Variants in TMOD1 observed in about 807,000 individuals in gnomAD.
TMOD1 encodes tropomodulin 1.
TMOD1 carries 17 observed loss-of-function variants against 40.6 expected under a neutral mutation model. The ratio of observed to expected loss-of-function variants is 0.42; its 90% CI spans 0.29 to 0.63. The LOEUF (loss-of-function observed/expected upper bound fraction) is 0.63. Ranked by LOEUF, TMOD1 falls within the 20% of genes least tolerant of loss-of-function variation. TMOD1 has a pLI of 0.22. For missense variants in TMOD1, 391 were observed against 447.6 expected, an observed-to-expected ratio of 0.87 and a Z score of 1.14; for synonymous variants, 181 against 175.0, an observed-to-expected ratio of 1.03 and a Z score of -0.27.
intron 2 of TMOD1, among the ~76,000 whole-genome samples, chr9:97,538,534 C>T (rs544919837): frequency 4.6e-5 from 7 of 151,874 alleles, no homozygotes; most frequent in African/African-American, 1.7e-4. Context: ...GATTTAAATT[C>T]CTTATAGGTT....
chr9:97,551,014 ATTTTTTTTTT>A lies in TMOD1; in HGVS notation c.278-2248_278-2239del, dbSNP rs55700746. ...ATTTTATATATATATATATATATAT[ATTTTTTTTTT>A]TTTTTTTTTTTTTTTTTTAGATGGA... On this transcript the variant is annotated intron_variant, in intron 3 of 9. Transcript: ENST00000259365. Among the ~76,000 whole-genome samples the A allele has an allele frequency of 3.9e-3, 402 of 104,200 alleles. 5 individuals are homozygous for A. Among genetic ancestry groups the A allele is most frequent in the African/African-American group, 0.016 (379 of 23,150 alleles). 68.4% of individuals were successfully genotyped at this position (104,200 alleles called of 152,430 possible). A position where few individuals can be genotyped will look rare whatever the true frequency, so the allele number is the denominator to read the frequency against.
intron 8 of TMOD1, among the ~76,000 whole-genome samples, chr9:97,585,978 A>G (rs1825862974): frequency 6.7e-6 from 1 of 150,366 alleles, no homozygotes. Context: ...GAGTAATTTG[A>G]TCGTCTGAAG....
chr9:97,600,091 T>A lies in TMOD1; in HGVS notation c.*393T>A. 3 of 1,025,122 alleles carry A rather than the reference T, an allele frequency of 2.9e-6. No homozygotes were observed. Among genetic ancestry groups the A allele is most frequent in the Non-Finnish European group, 3.5e-6 (3 of 851,546 alleles). The allele number at this position is 1,025,122 out of a possible 1,614,324, so 63.5% of individuals were successfully genotyped here. ...CACACTCTTCCACATGCTTTTGAAG[T>A]ATTATAAAACACTTTATTACAAATT... On this transcript the variant is annotated 3_prime_UTR_variant, in exon 10 of 10. Transcript: ENST00000259365.
intron 2 of TMOD1, among the ~76,000 whole-genome samples, chr9:97,526,359 G>A (rs1379780336): frequency 1.3e-5 from 2 of 152,188 alleles, no homozygotes; most frequent in Non-Finnish European, 2.9e-5. Context: ...AGTCTCTTTG[G>A]TTGTGTATGT....
At chr9:97,505,463 C>T (rs564186803) in intron 1 of TMOD1, among the ~76,000 whole-genome samples, 88 of 152,292 alleles carry the variant, frequency 5.8e-4, no homozygotes, top group Non-Finnish European at 1.1e-3. Flanking sequence ...GTGACCACTG[C>T]GTTGTTGCTC....
At chr9:97,506,676 T>G (rs1328495708) in intron 1 of TMOD1, among the ~76,000 whole-genome samples, 1 of 152,244 alleles carries the variant, frequency 6.6e-6, no homozygotes, top group Non-Finnish European at 1.5e-5. Context: ...CAGCAAGTAT[T>G]GTTACCTACC....
chr9:97,508,057 TCACACACACACACACACACACA>T (rs56669574), intron 1 of TMOD1, among the ~76,000 whole-genome samples: 7,118 of 132,066 alleles, frequency 0.054, 248 homozygotes, highest in African/African-American at 0.11. Context: ...TCTTCCTGAT[TCACACACACACACACACACACA>T]CACACACACA....
At chr9:97,519,078 C>T (rs907772095) in intron 1 of TMOD1, among the ~76,000 whole-genome samples, 7 of 152,194 alleles carry the variant, frequency 4.6e-5, no homozygotes, top group African/African-American at 1.4e-4. Flanking sequence ...AAGATGATGC[C>T]GCGTAAGTGC....
chr9:97,573,125 T>C (rs1260364567), intron 8 of TMOD1, among the ~76,000 whole-genome samples: 1 of 152,216 alleles, frequency 6.6e-6, no homozygotes, highest in Non-Finnish European at 1.5e-5. Context: ...GGAGAAACCC[T>C]GTGGGCCCCG....
intron 2 of TMOD1, among the ~76,000 whole-genome samples, chr9:97,544,055 C>A (rs887970958): frequency 4.6e-5 from 7 of 152,204 alleles, no homozygotes. Flanking sequence ...TGGCCTAAAT[C>A]TCTCTGCAAG....
Position 97,567,953 on chromosome 9 carries a change from C to A in TMOD1, c.727-941C>A, listed in dbSNP as rs139580455. ...TGCTGGTGTCTTTTTCCCTCCATGA[C>A]GCATCGTTTCCACCAACTGCTAATT... On this transcript the variant is annotated intron_variant, in intron 7 of 9. Coordinates refer to ENST00000259365, the MANE Select transcript of TMOD1 (RefSeq NM_003275.4). Among the ~76,000 whole-genome samples the A allele has an allele frequency of 5.8e-4, 88 of 152,310 alleles. 1 individual carries two copies. The highest frequency in any genetic ancestry group is 4.6e-3 in the East Asian group (24 of 5,184).
intron 2 of TMOD1, among the ~76,000 whole-genome samples, chr9:97,537,254 G>A (rs1830198369): frequency 6.6e-6 from 1 of 152,194 alleles, no homozygotes; most frequent in Non-Finnish European, 1.5e-5. Context: ...TCATGCATGT[G>A]TGCGTGCATG....
At chr9:97,577,485 G>A (rs1378552243) in intron 8 of TMOD1, among the ~76,000 whole-genome samples, 1 of 151,882 alleles carries the variant, frequency 6.6e-6, no homozygotes, top group Non-Finnish European at 1.5e-5. Context: ...AATTTTTTTT[G>A]CCTATAAAAT....
At chr9:97,547,541 A>G (rs527848028) in intron 3 of TMOD1, among the ~76,000 whole-genome samples, 6 of 152,344 alleles carry the variant, frequency 3.9e-5, no homozygotes, top group African/African-American at 1.4e-4. Context: ...TGAGGTTGTA[A>G]TGAAGGTTAA....
At chr9:97,518,891 CAG>C (rs1829871414) in intron 1 of TMOD1, among the ~76,000 whole-genome samples, 1 of 152,316 alleles carries the variant, frequency 6.6e-6, no homozygotes, top group East Asian at 1.9e-4. Flanking sequence ...TTCCGGAAGA[CAG>C]GGACAAATCC....
intron 2 of TMOD1, among the ~76,000 whole-genome samples, chr9:97,530,921 G>T (rs546300615): frequency 6.7e-6 from 1 of 150,064 alleles, no homozygotes; most frequent in South Asian, 2.1e-4. Flanking sequence ...CCAAGTAGCT[G>T]GACTTACAGG....
At chr9:97,581,354 A>G (rs1331013764) in intron 8 of TMOD1, among the ~76,000 whole-genome samples, 1 of 151,288 alleles carries the variant, frequency 6.6e-6, no homozygotes, top group East Asian at 1.9e-4. Flanking sequence ...ATAGTATTCC[A>G]TGGTGTATAT....
intron 2 of TMOD1, among the ~76,000 whole-genome samples, chr9:97,537,550 A>G (rs1242056443): frequency 6.6e-6 from 1 of 152,232 alleles, no homozygotes; most frequent in African/African-American, 2.4e-5. Context: ...CCTTTGAACA[A>G]CTGGACTCCA....
intron 8 of TMOD1, among the ~76,000 whole-genome samples, chr9:97,578,844 T>G (rs1825676973): frequency 6.6e-6 from 1 of 152,176 alleles, no homozygotes; most frequent in Non-Finnish European, 1.5e-5. Flanking sequence ...GGGAGACCAG[T>G]ACTTTCTGAG....
Sources: allele counts gnomAD v4.1 joint callset (sites outside exome capture counted in the v4.1 genomes callset), GRCh38; gene constraint gnomAD v4.1.1; transcripts MANE v1.5; gene names NCBI Gene and HGNC (gene_info 2026-07-23, HGNC 2026-07-21).